Variants in RARB observed in about 807,000 individuals in gnomAD.
RARB encodes the protein HBV-activated protein.
In RARB, 17 loss-of-function variants were observed where a neutral mutation model predicts 51.9. The ratio of observed to expected loss-of-function variants is 0.33; its 90% CI spans 0.22 to 0.49. The LOEUF is 0.49. RARB is among the 20% of genes least tolerant of loss of function. The pLI, the probability that RARB is intolerant of heterozygous loss-of-function variation, is 0.99. For synonymous variants in RARB, 215 were observed against 195.4 expected, an observed-to-expected ratio of 1.10 and a Z score of -0.84; for missense variants, 369 against 550.8, an observed-to-expected ratio of 0.67 and a Z score of 3.30.
intron 5 of RARB, among the ~76,000 whole-genome samples, chr3:25,366,485 A>C (rs1056390279): frequency 6.6e-6 from 1 of 152,230 alleles, no homozygotes; most frequent in Admixed American, 6.5e-5. Context: ...CTCTGTTTTA[A>C]AGGATTTTAG....
In RARB at chr3:25,254,132, C is replaced by A. The variant is rs1702798796; in HGVS notation, c.178+79557C>A. Among the ~76,000 whole-genome samples the A allele has an allele frequency of 2.6e-5, 4 of 152,044 alleles. No individual in the cohort carries two copies. The South Asian group carries it at 8.3e-4, about 31-fold the overall frequency. On this transcript the variant is annotated intron_variant, in intron 5 of 11. Coordinates refer to the RARB transcript ENST00000383772. ...AGAAGAGTTGAAATAAAATGTCAAC[C>A]CTTTCAATTGCTTGACATAACTTCA...
In RARB at chr3:24,998,089, G is replaced by C. The variant is rs571536427; in HGVS notation, c.-379-62036G>C. Among the ~76,000 whole-genome samples the C allele has an allele frequency of 6.6e-5, 10 of 152,014 alleles. No homozygotes were observed. In the South Asian group the frequency reaches 1.0e-3, roughly 16 times the overall value. Reference sequence around the variant, plus strand: ...CTGTTTACTGCTAGATGTTTTACTTGCTTTTCAAACCTGCTTTTTTAAATG... The same window carrying C: ...CTGTTTACTGCTAGATGTTTTACTTCCTTTTCAAACCTGCTTTTTTAAATG... On this transcript the variant is annotated intron_variant, in intron 2 of 11. Transcript: ENST00000383772.
At chr3:25,445,777 G>A (rs930190414) in intron 1 of RARB, among the ~76,000 whole-genome samples, 11 of 152,274 alleles carry the variant, frequency 7.2e-5, no homozygotes, top group African/African-American at 2.4e-4. Flanking sequence ...GAACAAAAAA[G>A]CAATTGGAGC....
In RARB at chr3:25,345,828, TG is replaced by T. The variant is rs1705375941; in HGVS notation, c.179-115364del. 1.5e-5 allele frequency: 12 copies of T among 790,466 alleles called. No individual in the cohort carries two copies. The South Asian group carries it at 4.7e-4, about 31-fold the overall frequency. The allele number at this position is 790,466 out of a possible 1,614,324, so 49.0% of individuals were successfully genotyped here. On this transcript the variant is annotated intron_variant, in intron 5 of 11. Coordinates refer to the RARB transcript ENST00000383772. ...GAAATGAACTGTATCAGTTAATTTT[TG>T]CTACCTAAGAGACACCTCCAAAATT... is the stretch of plus-strand genomic sequence containing the variant.
chr3:25,313,432 A>C (rs1284816515), intron 5 of RARB, among the ~76,000 whole-genome samples: 1 of 152,190 alleles, frequency 6.6e-6, no homozygotes, highest in East Asian at 1.9e-4. Flanking sequence ...CTTATGCCTA[A>C]TGTAGGAAGT....
intron 2 of RARB, among the ~76,000 whole-genome samples, chr3:25,484,467 A>G (rs938550276): frequency 1.3e-5 from 2 of 152,128 alleles, no homozygotes; most frequent in African/African-American, 4.8e-5. Flanking sequence ...CAAAATATAC[A>G]TATGTTTTAG....
intron 2 of RARB, among the ~76,000 whole-genome samples, chr3:24,933,954 T>C (rs1695495344): frequency 6.6e-6 from 1 of 152,192 alleles, no homozygotes; most frequent in African/African-American, 2.4e-5. Context: ...GTATACATTC[T>C]AATAAGAGAA....
rs1324052126 is a variant in RARB at position 24,961,278 on chromosome 3, G to A, written c.-379-98847G>A. Among the ~76,000 whole-genome samples the A allele has an allele frequency of 3.9e-5, 6 of 152,228 alleles. No individual in the cohort carries two copies. In the East Asian group the frequency reaches 5.8e-4, roughly 15 times the overall value. On this transcript the variant is annotated intron_variant, in intron 2 of 11. Coordinates refer to the RARB transcript ENST00000383772. ...AGGTACCCTGCTAGAATAGTTATAC[G>A]GTAGTTCTAATTTTTCCACCTTTTT...
intron 2 of RARB, among the ~76,000 whole-genome samples, chr3:24,987,508 T>A (rs1362417992): frequency 6.6e-6 from 1 of 152,204 alleles, no homozygotes; most frequent in Non-Finnish European, 1.5e-5. Flanking sequence ...AAGAGATGGA[T>A]CCTCTGATGC....
chr3:25,556,387 T>C (rs957140052), intron 3 of RARB, among the ~76,000 whole-genome samples: 1 of 152,126 alleles, frequency 6.6e-6, no homozygotes, highest in African/African-American at 2.4e-5. Flanking sequence ...TTTAAGATTT[T>C]CTTTTAGTAA....
chr3:25,446,639 TA>T (rs1168438065), intron 1 of RARB, among the ~76,000 whole-genome samples: 4 of 151,458 alleles, frequency 2.6e-5, no homozygotes, highest in Non-Finnish European at 5.9e-5. Flanking sequence ...CCATCTCTAC[TA>T]AAAATACAAA....
At chr3:25,093,968 C>T (rs1378222591) in intron 3 of RARB, among the ~76,000 whole-genome samples, 2 of 152,060 alleles carry the variant, frequency 1.3e-5, no homozygotes, top group African/African-American at 4.8e-5. Flanking sequence ...AAACAAAATA[C>T]CAAATACAAG....
chr3:25,442,098 T>C (rs917483537), intron 1 of RARB, among the ~76,000 whole-genome samples: 1 of 143,730 alleles, frequency 7.0e-6, no homozygotes, highest in African/African-American at 2.6e-5. Flanking sequence ...AGGAAGTGAC[T>C]TTTTAATTTT....
At chr3:24,984,087 A>T (rs1202366113) in intron 2 of RARB, among the ~76,000 whole-genome samples, 3 of 152,184 alleles carry the variant, frequency 2.0e-5, no homozygotes, top group Non-Finnish European at 4.4e-5. Context: ...AGGGAAAGCA[A>T]TTTAGCTATA....
At chr3:25,273,853 C>G (rs1244702337) in intron 5 of RARB, among the ~76,000 whole-genome samples, 3 of 152,202 alleles carry the variant, frequency 2.0e-5, no homozygotes, top group Admixed American at 2.0e-4. Flanking sequence ...CTGCTTTTAG[C>G]AACATCCTTT....
chr3:25,567,295 C>T (rs1481328780), intron 3 of RARB, among the ~76,000 whole-genome samples: 1 of 152,166 alleles, frequency 6.6e-6, no homozygotes, highest in Non-Finnish European at 1.5e-5. Context: ...GTTAGCACTC[C>T]CGATCCTCCC....
At chr3:25,192,148 A>G (rs1250900633) in intron 5 of RARB, among the ~76,000 whole-genome samples, 1 of 152,096 alleles carries the variant, frequency 6.6e-6, no homozygotes, top group Non-Finnish European at 1.5e-5. Flanking sequence ...GATGTTGTGA[A>G]TATCAGAATA....
At chr3:25,517,493 A>G (rs1003472537) in intron 3 of RARB, among the ~76,000 whole-genome samples, 3 of 152,236 alleles carry the variant, frequency 2.0e-5, no homozygotes, top group African/African-American at 7.2e-5. Context: ...ACGAGCAATA[A>G]CAAATGTTAG....
intron 2 of RARB, among the ~76,000 whole-genome samples, chr3:24,973,823 T>A (rs1401523065): frequency 6.6e-6 from 1 of 152,100 alleles, no homozygotes; most frequent in Non-Finnish European, 1.5e-5. Flanking sequence ...TTTACTGAAT[T>A]CGTTTATGAG....
Sources: gnomAD v4.1 joint callset for allele counts (sites outside exome capture counted in the v4.1 genomes callset) on GRCh38, gnomAD v4.1.1 for gene constraint, MANE v1.5 for transcripts, NCBI Gene and HGNC (gene_info 2026-07-23, HGNC 2026-07-21) for gene names.